SCAI: variants seen among roughly 807,000 people sequenced by gnomAD.
SCAI encodes the protein suppressor of cancer cell invasion.
In SCAI, 24 loss-of-function variants were observed where a neutral mutation model predicts 92.2. That is an observed-to-expected ratio of 0.26 (90% CI 0.19 to 0.37). The LOEUF (loss-of-function observed/expected upper bound fraction) is 0.37, where lower values mean the gene tolerates loss of function less well. SCAI is among the 10% of genes least tolerant of loss of function. SCAI has a pLI of 1.00. For synonymous variants in SCAI, 261 were observed against 258.6 expected (o/e 1.01, Z -0.09); for missense variants, 450 against 736.2 (o/e 0.61, Z 4.50).
At chr9:125,115,383 A>C (rs893211610) in intron 2 of SCAI, among the ~76,000 whole-genome samples, 6 of 151,176 alleles carry the variant, frequency 4.0e-5, no homozygotes, top group Non-Finnish European at 8.9e-5. Flanking sequence ...AAAAAAAAAA[A>C]AAAAAAAAAA....
intron 11 of SCAI, among the ~76,000 whole-genome samples, chr9:125,002,337 C>T (rs1832377753): frequency 6.6e-6 from 1 of 152,136 alleles, no homozygotes; most frequent in African/African-American, 2.4e-5. Context: ...GACTACATGG[C>T]TACAAGACAA....
In SCAI at chr9:125,085,244, C is replaced by T. The variant is rs576776403; in HGVS notation, c.99-29237G>A. Among the ~76,000 whole-genome samples the T allele has an allele frequency of 1.7e-4, 26 of 151,586 alleles. No individual in the cohort carries two copies. In the South Asian group the frequency reaches 4.0e-3, roughly 23 times the overall value. ...GCTTATGCCTGTAATCCCAGCGCTTCGGGAGGTTGAGGTGGGCGGATCACC... is the reference window on the plus strand; with the variant it reads ...GCTTATGCCTGTAATCCCAGCGCTTTGGGAGGTTGAGGTGGGCGGATCACC... On this transcript the variant is annotated intron_variant, in intron 2 of 17. Coordinates refer to ENST00000336505, the MANE Select transcript of SCAI (RefSeq NM_001144877.3).
In SCAI at chr9:124,948,620, A is replaced by G. The variant is rs755395099; in HGVS notation, c.*4187T>C. Reference sequence around the variant, plus strand: ...TTTGGGTCTCAGCTTTCTCTTCTGTAAAATAGAGAAGATAGTTGCTTTACC... The same window carrying G: ...TTTGGGTCTCAGCTTTCTCTTCTGTGAAATAGAGAAGATAGTTGCTTTACC... On this transcript the variant is annotated 3_prime_UTR_variant, in exon 18 of 18. Coordinates refer to ENST00000336505, the MANE Select transcript of SCAI (RefSeq NM_001144877.3). 1 of 152,194 alleles carries G rather than the reference A, an allele frequency of 6.6e-6. No individual in the cohort carries two copies. Among genetic ancestry groups the G allele is most frequent in the Non-Finnish European group, 1.5e-5 (1 of 68,032 alleles). 9.4% of individuals were successfully genotyped at this position (152,194 alleles called of 1,614,324 possible).
intron 2 of SCAI, among the ~76,000 whole-genome samples, chr9:125,104,971 A>C (rs1413238977): frequency 6.6e-6 from 1 of 151,546 alleles, no homozygotes; most frequent in African/African-American, 2.4e-5. Flanking sequence ...AAAAAAAAAA[A>C]AAAAATTTAG....
intron 2 of SCAI, among the ~76,000 whole-genome samples, chr9:125,137,979 A>G (rs1024035006): frequency 5.3e-5 from 8 of 152,108 alleles, no homozygotes; most frequent in Non-Finnish European, 8.8e-5. Context: ...TTTCTTCTTC[A>G]TTTTACTCCA....
chr9:124,971,902 CAT>C (rs1332889592), intron 15 of SCAI, 58 bp from the exon 16 acceptor site: 112 of 991,302 alleles, frequency 1.1e-4, no homozygotes, highest in Non-Finnish European at 1.6e-4. Flanking sequence ...ATAAGAGATA[CAT>C]ATGAGGAACA....
At chr9:125,115,285 T>C (rs561197542) in intron 2 of SCAI, among the ~76,000 whole-genome samples, 1 of 142,792 alleles carries the variant, frequency 7.0e-6, no homozygotes, top group South Asian at 2.2e-4. Context: ...GGCAGGAGAA[T>C]GACATGAACT....
intron 15 of SCAI, among the ~76,000 whole-genome samples, chr9:124,972,774 C>A (rs1335209771): frequency 6.6e-6 from 1 of 152,194 alleles, no homozygotes; most frequent in Non-Finnish European, 1.5e-5. Context: ...GCCTTCCCTC[C>A]CCACACCTAG....
chr9:125,030,216 T>C (rs746453277), intron 3 of SCAI, among the ~76,000 whole-genome samples: 4 of 152,242 alleles, frequency 2.6e-5, no homozygotes, highest in Non-Finnish European at 4.4e-5. Context: ...TGGTGACTTA[T>C]AGTACAGTCT....
intron 2 of SCAI, among the ~76,000 whole-genome samples, chr9:125,071,742 A>G (rs1161085308): frequency 4.0e-5 from 6 of 151,734 alleles, no homozygotes; most frequent in Admixed American, 3.3e-4. Context: ...AAAAGGCAGG[A>G]AAAAAAAAGA....
chr9:125,017,269 C>T (rs1832779307), intron 9 of SCAI, among the ~76,000 whole-genome samples: 2 of 151,856 alleles, frequency 1.3e-5, no homozygotes. Flanking sequence ...TTCTTGGTCT[C>T]TTTTGTTTTT....
rs147798556 is a variant in SCAI, at chr9:124,982,537, G to T, written c.1327-6351C>A. Among the ~76,000 whole-genome samples the T allele has an allele frequency of 2.2e-4, 33 of 151,956 alleles. 1 individual carries two copies. In the Middle Eastern group the frequency reaches 0.017, roughly 78 times the overall value. On this transcript the variant is annotated intron_variant, in intron 14 of 17. Transcript: ENST00000336505. The stretch of plus-strand genomic sequence containing the variant: ...AAATAAAAAAATAAAAAAATTAGCC[G>T]GGTATGGTAACATGCACCTGTAATC...
intron 2 of SCAI, among the ~76,000 whole-genome samples, chr9:125,064,218 TAAC>T (rs996497323): frequency 1.3e-5 from 2 of 151,998 alleles, no homozygotes; most frequent in Non-Finnish European, 2.9e-5. Flanking sequence ...AAAAAAAGAC[TAAC>T]GATAGTAGGA....
intron 3 of SCAI, among the ~76,000 whole-genome samples, chr9:125,042,044 G>T (rs906308736): frequency 2.0e-5 from 3 of 152,012 alleles, no homozygotes; most frequent in African/African-American, 7.3e-5. Flanking sequence ...ATATCATTTG[G>T]TCATTATTAC....
chr9:125,061,383 C>T (rs1272589015), intron 2 of SCAI, among the ~76,000 whole-genome samples: 3 of 152,068 alleles, frequency 2.0e-5, no homozygotes, highest in Non-Finnish European at 4.4e-5. Context: ...TCAAATACCT[C>T]AAGTATTTAT....
chr9:125,074,338 C>A (rs1834042921), intron 2 of SCAI, among the ~76,000 whole-genome samples: 1 of 150,970 alleles, frequency 6.6e-6, no homozygotes, highest in African/African-American at 2.4e-5. Flanking sequence ...CTCACTACAA[C>A]CCCCACCTCC....
At chr9:124,975,340 T>G in intron 15 of SCAI, 1 of 456,736 alleles carries the variant, frequency 2.2e-6, no homozygotes, top group South Asian at 1.5e-5. Flanking sequence ...ACAGGACTTC[T>G]GGCTGGGAAG....
At position 124,952,897 on chromosome 9, in the gene SCAI, C is replaced by A; in HGVS notation, c.1731G>T (p.Glu577Asp). 1 of 1,613,504 alleles carries A rather than the reference C, an allele frequency of 6.2e-7. No individual in the cohort carries two copies. Residue 577 changes from glutamate (E) to aspartate (D), a missense_variant, in exon 18 of 18, where the codon GAG becomes GAT. Around this residue, in one of 3 missense-constraint regions of SCAI, gnomAD observed 360 missense variants for 601.8 expected, o/e 0.60. Transcript: ENST00000336505. ...AAATGTGCTTCTGGAGATGAGGATT[C>A]TCCACTGTTTCATCCCTTGGCAGTT... is the stretch of plus-strand genomic sequence containing the variant. ...YPQLPRDETV[E>D]NPHLQKHILE...
intron 2 of SCAI, among the ~76,000 whole-genome samples, chr9:125,094,529 T>C (rs559020951): frequency 1.3e-5 from 2 of 152,188 alleles, no homozygotes; most frequent in East Asian, 3.8e-4. Flanking sequence ...TGAGACAAAC[T>C]CTGGCTCTGC....
Sources: allele counts gnomAD v4.1 joint callset (sites outside exome capture counted in the v4.1 genomes callset), GRCh38; gene constraint gnomAD v4.1.1; regional missense constraint gnomAD v4.1.1; transcripts MANE v1.5; gene names NCBI Gene and HGNC (gene_info 2026-07-23, HGNC 2026-07-21).